The following ABHD12B variants were observed in gnomAD, a reference collection of about 807,000 sequenced individuals.
ABHD12B encodes protein ABHD12B.
A neutral mutation model predicts 50.4 loss-of-function variants in ABHD12B; 42 were observed. The observed-to-expected ratio is 0.83, with a 90% confidence interval of 0.65 to 1.08. ABHD12B has a LOEUF of 1.08. Among genes scored for constraint, ABHD12B ranks in the 50% least tolerant of loss-of-function variants. The probability of loss-of-function intolerance (pLI) is 0.00; values close to 1 mark genes in which losing one functional copy is unlikely to be tolerated. For synonymous variants in ABHD12B, 167 were observed against 160.3 expected (o/e 1.04, Z -0.32); for missense variants, 479 against 447.7 (o/e 1.07, Z -0.63).
chr14:50,872,331 G>A (rs757049135), intron 1 of ABHD12B, 53 bp downstream of exon 1: 33 of 1,207,730 alleles, frequency 2.7e-5, no homozygotes, highest in Non-Finnish European at 3.2e-5. Flanking sequence ...CAGGCTGCGC[G>A]GGGATGGGGC....
chr14:50,896,505 T>C (rs1225068000), intron 9 of ABHD12B, among the ~76,000 whole-genome samples: 1 of 151,960 alleles, frequency 6.6e-6, no homozygotes, highest in East Asian at 1.9e-4. Flanking sequence ...GGCCCTGCCC[T>C]GCCTTAACTG....
At chr14:50,902,678 TA>T (rs2050274706) in intron 10 of ABHD12B, among the ~76,000 whole-genome samples, 1 of 152,210 alleles carries the variant, frequency 6.6e-6, no homozygotes, top group African/African-American at 2.4e-5. Context: ...CAGTTGTCAA[TA>T]TATTTTTCTA....
chr14:50,890,729 T>C (rs2050105791), intron 9 of ABHD12B, among the ~76,000 whole-genome samples: 1 of 152,232 alleles, frequency 6.6e-6, no homozygotes, highest in African/African-American at 2.4e-5. Flanking sequence ...TATATTTGTA[T>C]TACTTTCAGT....
At chr14:50,903,103 G>GT (rs2050281621) in intron 10 of ABHD12B, among the ~76,000 whole-genome samples, 1 of 139,958 alleles carries the variant, frequency 7.1e-6, no homozygotes, top group African/African-American at 2.6e-5. Flanking sequence ...GTGTTTCAGT[G>GT]TTTTTTGTTT....
chr14:50,900,935 C>T (rs1394239487), intron 9 of ABHD12B, among the ~76,000 whole-genome samples: 1 of 152,138 alleles, frequency 6.6e-6, no homozygotes, highest in Non-Finnish European at 1.5e-5. Flanking sequence ...TTAAAATAAT[C>T]ATTCTGGTTT....
chr14:50,881,526 T>C (rs920446046), intron 4 of ABHD12B, 70 bp from the exon 5 acceptor site: 3 of 1,559,140 alleles, frequency 1.9e-6, no homozygotes, highest in Middle Eastern at 1.9e-4. Flanking sequence ...ACGAGAGTGA[T>C]TTTTATTGAA....
intron 9 of ABHD12B, among the ~76,000 whole-genome samples, chr14:50,899,273 C>T (rs910136266): frequency 2.0e-5 from 3 of 152,190 alleles, no homozygotes; most frequent in African/African-American, 7.2e-5. Context: ...TATGAAGCAG[C>T]AATTTGTATT....
chr14:50,883,635 T>G (rs1003043750), intron 5 of ABHD12B, among the ~76,000 whole-genome samples: 2 of 152,218 alleles, frequency 1.3e-5, no homozygotes, highest in Non-Finnish European at 2.9e-5. Context: ...GGAGAAGAGC[T>G]GTAGGTGTGA....
At chr14:50,887,270 TA>T (rs1195954745) in intron 8 of ABHD12B, among the ~76,000 whole-genome samples, 1 of 135,684 alleles carries the variant, frequency 7.4e-6, no homozygotes, top group African/African-American at 2.8e-5. Flanking sequence ...AATTACAGGA[TA>T]AAAAAATACT....
intron 8 of ABHD12B, 53 bp downstream of exon 8, chr14:50,886,737 A>G (rs2050043803): frequency 6.7e-7 from 1 of 1,500,872 alleles, no homozygotes. Context: ...TGGGAAAGTA[A>G]AAACAGTCAA....
chr14:50,904,302 G>GA (rs762525406), intron 12 of ABHD12B, 37 bp from the exon 13 acceptor site: 35 of 1,614,068 alleles, frequency 2.2e-5, no homozygotes, highest in Admixed American at 1.2e-4. Context: ...TTTAGGTAGG[G>GA]AAAGGGTGTG....
intron 1 of ABHD12B, among the ~76,000 whole-genome samples, chr14:50,876,825 C>G (rs1006443027): frequency 3.3e-5 from 5 of 152,198 alleles, no homozygotes; most frequent in Admixed American, 6.5e-5. Context: ...AAAATGCTTT[C>G]CAGCCCCTCA....
At chr14:50,895,928 C>A (rs147360857) in intron 9 of ABHD12B, among the ~76,000 whole-genome samples, 80 of 150,418 alleles carry the variant, frequency 5.3e-4, no homozygotes, top group African/African-American at 1.9e-3. Flanking sequence ...GCCCAGTTCC[C>A]GTATTAGGCT....
At chr14:50,880,631 G>A in intron 4 of ABHD12B, 60 bp downstream of exon 4, 1 of 1,464,132 alleles carries the variant, frequency 6.8e-7, no homozygotes, top group South Asian at 1.5e-5. Context: ...CAGCCCCATG[G>A]GGGAATGAAG....
chr14:50,902,101 A>G (rs910738887), intron 10 of ABHD12B, among the ~76,000 whole-genome samples, 190 bp downstream of exon 10: 5 of 152,170 alleles, frequency 3.3e-5, no homozygotes, highest in Admixed American at 2.0e-4. Flanking sequence ...AGTATTTGCT[A>G]TTTTCCTCAT....
chr14:50,904,181 A>G lies in ABHD12B; in HGVS notation c.1050A>G (p.Leu350=), dbSNP rs762733331. 1 of 1,614,166 alleles carries G rather than the reference A, an allele frequency of 6.2e-7. No homozygotes were observed. Among genetic ancestry groups the G allele is most frequent in the East Asian group, 2.2e-5 (1 of 44,890 alleles). Residue 350 remains leucine, a synonymous_variant, in exon 12 of 13, where the codon TTA becomes TTG. Transcript: ENST00000337334. ...TGCTTTGTAAAAGCCCCACACTGTT[A>G]ATAACCGTGAGGTAAGAGTTGCTTT... is the stretch of plus-strand genomic sequence containing the variant. ...HNLLCKSPTL[L]ITVRDFLSKQ... is the part of the protein sequence containing the mutation.
At chr14:50,892,295 A>T in intron 9 of ABHD12B, 1 of 467,040 alleles carries the variant, frequency 2.1e-6, no homozygotes, top group Non-Finnish European at 2.8e-6. Flanking sequence ...TGTTTGATTT[A>T]TTGAGGAAAT....
rs140919351 is a variant in ABHD12B, at chr14:50,904,582, T to C, written c.*216T>C. 9.7e-4 allele frequency: 602 copies of C among 623,512 alleles called. 1 individual carries two copies. The highest frequency in any genetic ancestry group is 9.6e-3 in the African/African-American group (521 of 54,452). The allele number at this position is 623,512 out of a possible 1,614,324, so 38.6% of individuals were successfully genotyped here. The stretch of plus-strand genomic sequence containing the variant: ...TCATAATCTACTTTGTAAAACATGC[T>C]GAAACCTCACTGTGGAGAACCAGAA... On this transcript the variant is annotated 3_prime_UTR_variant, in exon 13 of 13. Coordinates refer to ENST00000337334, the MANE Select transcript of ABHD12B (RefSeq NM_001206673.2).
At chr14:50,893,532 A>C (rs28818516) in intron 9 of ABHD12B, 1 of 152,026 alleles carries the variant, frequency 6.6e-6, no homozygotes, top group Admixed American at 6.6e-5. Context: ...GACTCAGCCC[A>C]CCTGCACCCA....
Sources: allele counts gnomAD v4.1 joint callset (sites outside exome capture counted in the v4.1 genomes callset), GRCh38; gene constraint gnomAD v4.1.1; transcripts MANE v1.5; gene names NCBI Gene and HGNC (gene_info 2026-07-23, HGNC 2026-07-21).